Variants in RYR3 observed in about 807,000 individuals in gnomAD.
The protein encoded by RYR3 is brain ryanodine receptor-calcium release channel.
In RYR3, 207 loss-of-function variants were observed where a neutral mutation model predicts 584.3. The ratio of observed to expected loss-of-function variants is 0.35; its 90% CI spans 0.32 to 0.40. The LOEUF (loss-of-function observed/expected upper bound fraction) is 0.40, where lower values mean the gene tolerates loss of function less well. RYR3 is among the 10% of genes least tolerant of loss of function. RYR3 has a pLI of 1.00. For synonymous variants in RYR3, 2,416 were observed against 2,248.5 expected (o/e 1.07, Z -2.11); for missense variants, 5,616 against 6,089.2 (o/e 0.92, Z 2.59).
intron 19 of RYR3, among the ~76,000 whole-genome samples, chr15:33,615,113 G>C (rs1049767410): frequency 1.1e-4 from 16 of 152,132 alleles, no homozygotes; most frequent in Admixed American, 8.5e-4. Context: ...CTTCATCCCT[G>C]TATTTTAAAG....
intron 1 of RYR3, among the ~76,000 whole-genome samples, chr15:33,336,493 A>G (rs57149074): frequency 0.1 from 2,700 of 26,704 alleles, 702 homozygotes; most frequent in Middle Eastern, 0.15. Flanking sequence ...AGAGAAAGAA[A>G]GAAAGAAAGA....
intron 1 of RYR3, among the ~76,000 whole-genome samples, chr15:33,341,340 G>A (rs1279091040): frequency 6.6e-6 from 1 of 152,124 alleles, no homozygotes; most frequent in Non-Finnish European, 1.5e-5. Context: ...CGCCCGGTCT[G>A]ATTCAGTGGA....
intron 80 of RYR3, among the ~76,000 whole-genome samples, chr15:33,822,244 A>AAC (rs2077149035): frequency 6.6e-6 from 1 of 152,214 alleles, no homozygotes; most frequent in African/African-American, 2.4e-5. Flanking sequence ...AGAAGACAGG[A>AAC]ACATACCGGT....
intron 46 of RYR3, among the ~76,000 whole-genome samples, chr15:33,727,791 G>A (rs2068594203): frequency 6.6e-6 from 1 of 152,160 alleles, no homozygotes; most frequent in South Asian, 2.1e-4. Context: ...AATATGCTGT[G>A]GCTATAGCGT....
At chr15:33,668,687 A>G (rs562620893) in intron 36 of RYR3, among the ~76,000 whole-genome samples, 2 of 152,346 alleles carry the variant, frequency 1.3e-5, no homozygotes, top group Non-Finnish European at 2.9e-5. Flanking sequence ...ACACTTGTAT[A>G]AACTTGTTAA....
chr15:33,512,607 A>G (rs557133805), intron 3 of RYR3, among the ~76,000 whole-genome samples: 1 of 152,224 alleles, frequency 6.6e-6, no homozygotes, highest in Non-Finnish European at 1.5e-5. Context: ...GTGTTTTTGC[A>G]AATGTGTTAA....
In RYR3 at chr15:33,746,151, G is replaced by A. The variant is rs370832006; in HGVS notation, c.7983G>A (p.Thr2661=). The A allele has an allele frequency of 8.8e-6, 14 of 1,590,618 alleles. No individual in the cohort carries two copies. In the South Asian group the frequency reaches 9.2e-5, roughly 10 times the overall value. ...TGATAAGGCCTTTCAAGACATTAAC[G>A]GAGAAGGTAAGAAGCAGGCCTCTGG... ...HPLIRPFKTL[T]EKEKEIYRWP... is the part of the protein sequence containing the mutation. The change falls in exon 53 of 104, where the codon ACG becomes ACA. Residue 2661 remains threonine (T), a synonymous_variant. Transcript: ENST00000634891.
At chr15:33,735,536 C>T (rs1201977968) in intron 48 of RYR3, among the ~76,000 whole-genome samples, 2 of 152,134 alleles carry the variant, frequency 1.3e-5, no homozygotes, top group African/African-American at 4.8e-5. Context: ...TATGTGTGTA[C>T]ACCTTTCTCT....
At chr15:33,824,845 C>G (rs1487645585) in intron 81 of RYR3, among the ~76,000 whole-genome samples, 1 of 152,158 alleles carries the variant, frequency 6.6e-6, no homozygotes, top group East Asian at 1.9e-4. Context: ...ATAAGTTAGA[C>G]TCCGTTAGTA....
intron 1 of RYR3, among the ~76,000 whole-genome samples, chr15:33,442,900 T>A (rs1334863879): frequency 6.6e-6 from 1 of 152,228 alleles, no homozygotes; most frequent in Non-Finnish European, 1.5e-5. Flanking sequence ...ACAGTTGTTC[T>A]AATTGTCCTG....
In RYR3 at chr15:33,412,050, G is replaced by A. The variant is rs1359778546; in HGVS notation, c.52-61369G>A. 1.3e-5 allele frequency among the ~76,000 whole-genome samples: 2 copies of A among 152,160 alleles called. No individual in the cohort carries two copies. The highest frequency in any genetic ancestry group is 4.8e-5 in the African/African-American group (2 of 41,436). Reference sequence around the variant, plus strand: ...GTAATATCCAACTTAGGTTCCCAGTGTGTCAGCCACACCTGTTGCTGCCAT... The same window carrying A: ...GTAATATCCAACTTAGGTTCCCAGTATGTCAGCCACACCTGTTGCTGCCAT... On this transcript the variant is annotated intron_variant, in intron 1 of 103. Transcript: ENST00000634891. This position sits in a 1 kb window ranked among gnomAD's most constrained non-coding sequence, Gnocchi z 4.3.
At chr15:33,691,039 T>A (rs538015981) in intron 38 of RYR3, among the ~76,000 whole-genome samples, 1 of 152,288 alleles carries the variant, frequency 6.6e-6, no homozygotes, top group East Asian at 1.9e-4. Context: ...AAATACATAA[T>A]TGGAAGGGTA....
rs929168193 is a variant in RYR3, at chr15:33,311,367, A to G, written c.51+271A>G. On this transcript the variant is annotated intron_variant, in intron 1 of 103. Coordinates refer to ENST00000634891, the MANE Select transcript of RYR3 (RefSeq NM_001036.6). The surrounding 1 kb of genome is among the most constrained non-coding windows in gnomAD (Gnocchi z 4.4). ...CCTAGGACCGCTCGCTCTCCAGGCA[A>G]CTTGCTACTTGGTCTGAAACCCTTG... 6.6e-6 allele frequency among the ~76,000 whole-genome samples: 1 copy of G among 152,184 alleles called. No individual in the cohort carries two copies. Among genetic ancestry groups the G allele is most frequent in the African/African-American group, 2.4e-5 (1 of 41,454 alleles).
At position 33,649,079 on chromosome 15, in the gene RYR3, A is replaced by G. The variant is rs765398144; in HGVS notation, c.3986A>G (p.Tyr1329Cys). 2 of 1,613,062 alleles carry G rather than the reference A, an allele frequency of 1.2e-6. No individual in the cohort carries two copies. Among genetic ancestry groups the G allele is most frequent in the Non-Finnish European group, 8.5e-7 (1 of 1,179,748 alleles). The part of the protein sequence containing the change: ...EILSHTTTQC[Y>C]YAIRIFAGQD... ...TCTGCGGTCTCTCCACAGCAGTGCT[A>G]CTACGCCATCCGCATCTTTGCTGGA... is the stretch of plus-strand genomic sequence containing the variant. The change falls in exon 31 of 104, where the codon TAC (tyrosine) becomes TGC (cysteine). Residue 1329 changes from tyrosine (Y) to cysteine (C), a missense_variant. Tyr to Cys is a radical substitution (Grantham distance 194). Around this residue, in one of 9 missense-constraint regions of RYR3, gnomAD observed 753 missense variants for 741.0 expected, o/e 1.02. Transcript: ENST00000634891.
intron 1 of RYR3, among the ~76,000 whole-genome samples, chr15:33,317,421 A>G (rs950948220): frequency 1.3e-5 from 2 of 152,124 alleles, no homozygotes; most frequent in Admixed American, 6.5e-5. Flanking sequence ...GGGGAGCCAC[A>G]CTGGGTCCTC....
chr15:33,805,508 T>C (rs1046503772), intron 69 of RYR3, among the ~76,000 whole-genome samples: 61 of 150,412 alleles, frequency 4.1e-4, no homozygotes, highest in African/African-American at 1.1e-3. Context: ...GACGGAGTCC[T>C]GCTCTGTCGC....
At chr15:33,804,269 C>G (rs952929933) in intron 69 of RYR3, among the ~76,000 whole-genome samples, 1 of 152,154 alleles carries the variant, frequency 6.6e-6, no homozygotes, top group Non-Finnish European at 1.5e-5. Context: ...TACAACTTAA[C>G]GAATGGATGA....
intron 38 of RYR3, among the ~76,000 whole-genome samples, chr15:33,677,733 C>G (rs1259113111): frequency 6.6e-6 from 1 of 152,092 alleles, no homozygotes; most frequent in East Asian, 1.9e-4. Context: ...TTGTCTCCAT[C>G]CTTAGAGATG....
chr15:33,529,429 C>G (rs1160107736), intron 3 of RYR3, among the ~76,000 whole-genome samples: 1 of 152,180 alleles, frequency 6.6e-6, no homozygotes, highest in Non-Finnish European at 1.5e-5. Context: ...GATTCCCTTT[C>G]CTCTGCATTG....
Sources: allele counts gnomAD v4.1 joint callset (sites outside exome capture counted in the v4.1 genomes callset), GRCh38; gene constraint gnomAD v4.1.1; regional missense constraint gnomAD v4.1.1; non-coding constraint Gnocchi (gnomAD v3.1); transcripts MANE v1.5; gene names NCBI Gene and HGNC (gene_info 2026-07-23, HGNC 2026-07-21).